EYS: variants seen among roughly 807,000 people sequenced by gnomAD.
The protein encoded by EYS is protein eyes shut homolog.
In EYS, 250 loss-of-function variants were observed where a neutral mutation model predicts 282.1. The observed-to-expected ratio is 0.89, with a 90% CI of 0.80 to 0.98. The LOEUF (loss-of-function observed/expected upper bound fraction) is 0.98, where lower values mean the gene tolerates loss of function less well. EYS is among the 50% of genes least tolerant of loss of function. EYS has a pLI of 0.00. For synonymous variants in EYS, 1,355 were observed against 1,282.9 expected, an observed-to-expected ratio of 1.06 and a Z score of -1.20; for missense variants, 4,016 against 3,709.0, an observed-to-expected ratio of 1.08 and a Z score of -2.15.
chr6:63,910,087 G>T (rs1258767357), intron 35 of EYS, among the ~76,000 whole-genome samples: 2 of 152,130 alleles, frequency 1.3e-5, no homozygotes, highest in Non-Finnish European at 2.9e-5. Flanking sequence ...AAAGAAGACT[G>T]AAAAATGGGA....
chr6:64,019,401 T>C (rs867745812), intron 33 of EYS, among the ~76,000 whole-genome samples: 1 of 150,474 alleles, frequency 6.6e-6, no homozygotes, highest in East Asian at 1.9e-4. Flanking sequence ...AAGGGCAAGA[T>C]ATTTTCTTTC....
At chr6:65,211,599 A>G (rs781472049) in intron 12 of EYS, among the ~76,000 whole-genome samples, 7 of 152,044 alleles carry the variant, frequency 4.6e-5, no homozygotes, top group Non-Finnish European at 1.0e-4. Context: ...TTTCAACCAA[A>G]TATTCTTGCA....
chr6:64,417,361 T>C (rs1774087805), intron 28 of EYS, among the ~76,000 whole-genome samples: 1 of 152,202 alleles, frequency 6.6e-6, no homozygotes, highest in Non-Finnish European at 1.5e-5. Context: ...TTACAATGGG[T>C]AGCAGTGCTA....
At chr6:65,606,970 T>C (rs1481907974) in intron 2 of EYS, among the ~76,000 whole-genome samples, 1 of 151,710 alleles carries the variant, frequency 6.6e-6, no homozygotes, top group African/African-American at 2.4e-5. Context: ...CAGGAGTGAG[T>C]AGAATATACA....
chr6:65,114,460 T>C (rs1448221633), intron 12 of EYS, among the ~76,000 whole-genome samples: 1 of 101,962 alleles, frequency 9.8e-6, no homozygotes. Context: ...CTTTCCAAAC[T>C]AATTTTTTTT....
At chr6:64,529,204 T>C (rs899228775) in intron 26 of EYS, among the ~76,000 whole-genome samples, 17 of 152,074 alleles carry the variant, frequency 1.1e-4, no homozygotes, top group Admixed American at 5.2e-4. Context: ...CCTACTCATG[T>C]ACATCATTCA....
chr6:65,328,421 T>C (rs1273814763), intron 11 of EYS, among the ~76,000 whole-genome samples: 1 of 151,452 alleles, frequency 6.6e-6, no homozygotes, highest in Non-Finnish European at 1.5e-5. Context: ...TACATTGATA[T>C]TGAGTACTAA....
At chr6:65,445,781 T>A (rs1321350259) in intron 5 of EYS, among the ~76,000 whole-genome samples, 1 of 151,820 alleles carries the variant, frequency 6.6e-6, no homozygotes, top group Non-Finnish European at 1.5e-5. Context: ...CAGTTCTACT[T>A]TATTGATGTT....
At chr6:65,268,424 G>C (rs947934703) in intron 12 of EYS, among the ~76,000 whole-genome samples, 2 of 151,908 alleles carry the variant, frequency 1.3e-5, no homozygotes, top group African/African-American at 4.8e-5. Context: ...GTAAACAATA[G>C]TTATGATGTT....
At chr6:63,910,190 C>T (rs1773880462) in intron 35 of EYS, among the ~76,000 whole-genome samples, 1 of 152,084 alleles carries the variant, frequency 6.6e-6, no homozygotes. Flanking sequence ...ATTTTGCTCC[C>T]CACAAGTACT....
At chr6:65,454,885 C>A (rs900560755) in intron 5 of EYS, among the ~76,000 whole-genome samples, 17 of 151,944 alleles carry the variant, frequency 1.1e-4, no homozygotes, top group Admixed American at 2.6e-4. Context: ...TATGCCAGTA[C>A]CATGCTCTTT....
intron 8 of EYS, among the ~76,000 whole-genome samples, chr6:65,361,554 C>T (rs1049956658): frequency 2.0e-5 from 3 of 151,562 alleles, no homozygotes; most frequent in East Asian, 3.9e-4. Flanking sequence ...TATCTCTGCC[C>T]ACTGCAACAA....
At chr6:64,732,488 T>G (rs1583092283) in intron 22 of EYS, among the ~76,000 whole-genome samples, 1 of 152,112 alleles carries the variant, frequency 6.6e-6, no homozygotes, top group Admixed American at 6.6e-5. Flanking sequence ...TGGCAGAAAT[T>G]TAAAAAAAAG....
intron 22 of EYS, among the ~76,000 whole-genome samples, chr6:64,647,917 G>A (rs1477002735): frequency 1.3e-5 from 2 of 152,054 alleles, no homozygotes; most frequent in African/African-American, 4.8e-5. Context: ...TGGTTTTAAG[G>A]AAAAAACATG....
At chr6:65,015,162 C>T (rs894591998) in intron 13 of EYS, among the ~76,000 whole-genome samples, 2 of 152,040 alleles carry the variant, frequency 1.3e-5, no homozygotes, top group African/African-American at 4.8e-5. Context: ...TAAACTTGTG[C>T]AGTTTTAAGT....
At chr6:65,167,568 A>G (rs1336908039) in intron 12 of EYS, among the ~76,000 whole-genome samples, 1 of 151,256 alleles carries the variant, frequency 6.6e-6, no homozygotes, top group Non-Finnish European at 1.5e-5. Context: ...AGGTACATGG[A>G]TACACAGATA....
At chr6:64,354,079 T>C (rs1406426784) in intron 29 of EYS, among the ~76,000 whole-genome samples, 1 of 151,530 alleles carries the variant, frequency 6.6e-6, no homozygotes, top group Non-Finnish European at 1.5e-5. Context: ...AAGCACTAGA[T>C]GCTCACCCAA....
At chr6:64,830,002 C>T (rs541454857) in intron 19 of EYS, among the ~76,000 whole-genome samples, 1 of 152,024 alleles carries the variant, frequency 6.6e-6, no homozygotes, top group South Asian at 2.1e-4. Flanking sequence ...AAAGAAGTTC[C>T]TTATTGTGAT....
At chr6:64,391,966 G>A (rs1773167803) in intron 28 of EYS, among the ~76,000 whole-genome samples, 3 of 151,400 alleles carry the variant, frequency 2.0e-5, no homozygotes, top group Admixed American at 6.6e-5. Flanking sequence ...AAAAGGCAGG[G>A]GTTGCAATCC....
Sources: allele counts gnomAD v4.1 joint callset (sites outside exome capture counted in the v4.1 genomes callset), GRCh38; gene constraint gnomAD v4.1.1; transcripts MANE v1.5; gene names NCBI Gene and HGNC (gene_info 2026-07-23, HGNC 2026-07-21).